Variants in COPS7B observed in about 807,000 individuals in gnomAD.
The protein encoded by COPS7B is COP9 signalosome complex subunit 7b.
Under a neutral mutation model 33.4 loss-of-function variants are expected in COPS7B, and 9 were observed. The observed-to-expected ratio is 0.27, with a 90% CI of 0.16 to 0.47. COPS7B has a LOEUF of 0.47. COPS7B is among the 20% of genes least tolerant of loss of function. COPS7B has a pLI of 0.99. For missense variants in COPS7B, 242 were observed against 318.2 expected, an observed-to-expected ratio of 0.76 and a Z score of 1.82; for synonymous variants, 119 against 126.3, an observed-to-expected ratio of 0.94 and a Z score of 0.39.
At chr2:231,801,578 A>C (rs899336469) in intron 6 of COPS7B, among the ~76,000 whole-genome samples, 8 of 150,846 alleles carry the variant, frequency 5.3e-5, no homozygotes, top group South Asian at 2.1e-4. Context: ...AGTTGCTAGG[A>C]CTATAGGACT....
intron 3 of COPS7B, 83 bp downstream of exon 3, chr2:231,791,891 C>A: frequency 1.6e-6 from 2 of 1,274,696 alleles, no homozygotes; most frequent in South Asian, 1.2e-5. Flanking sequence ...AGATATAAAG[C>A]ATGGGGTAGT....
chr2:231,781,696 C>G (rs2049134681), upstream of COPS7B: 2 of 731,056 alleles, frequency 2.7e-6, no homozygotes, highest in East Asian at 2.7e-5. Context: ...CACTCGGTTC[C>G]TCTGTAACTT....
chr2:231,802,710 C>T (rs2049783000), intron 6 of COPS7B, among the ~76,000 whole-genome samples: 1 of 152,248 alleles, frequency 6.6e-6, no homozygotes, highest in African/African-American at 2.4e-5. Context: ...GTTGACCTAC[C>T]TGGGTGGCCA....
chr2:231,798,098 GC>G (rs1164118814), intron 5 of COPS7B, among the ~76,000 whole-genome samples: 3 of 151,926 alleles, frequency 2.0e-5, no homozygotes, highest in Admixed American at 2.0e-4. Flanking sequence ...TGTTGGTCAG[GC>G]TGGTCTCGAA....
chr2:231,791,061 C>A lies in COPS7B; in HGVS notation c.163-672C>A, dbSNP rs149391150. Reference sequence around the variant, plus strand: ...CCCACGTTTGTGATTTAAACAACAACAACAACAACAACAACCAGTTAACGT... The same window carrying A: ...CCCACGTTTGTGATTTAAACAACAAAAACAACAACAACAACCAGTTAACGT... On this transcript the variant is annotated intron_variant, in intron 2 of 6. Coordinates refer to ENST00000350033, the MANE Select transcript of COPS7B (RefSeq NM_022730.4). 8.7e-3 allele frequency: 1,344 copies of A among 154,732 alleles called. 5 individuals carry two copies. Among genetic ancestry groups the A allele is most frequent in the Non-Finnish European group, 0.013 (904 of 68,362 alleles). The allele number at this position is 154,732 out of a possible 1,614,324, so 9.6% of individuals were successfully genotyped here.
At chr2:231,792,984 C>T (rs1187688253) in intron 3 of COPS7B, among the ~76,000 whole-genome samples, 1 of 152,120 alleles carries the variant, frequency 6.6e-6, no homozygotes, top group African/African-American at 2.4e-5. Flanking sequence ...CCCTTTGTTC[C>T]AGGGAATGTG....
In COPS7B at chr2:231,788,609, G is replaced by A. The variant is rs372327583; in HGVS notation, c.39G>A (p.Glu13=). The A allele has an allele frequency of 2.5e-6, 4 of 1,614,002 alleles. No homozygotes were observed. The highest frequency in any genetic ancestry group is 2.7e-5 in the African/African-American group (2 of 74,932). The change falls in exon 2 of 7, where the codon GAG becomes GAA. Residue 13 remains glutamate, a synonymous_variant. Coordinates refer to ENST00000350033, the MANE Select transcript of COPS7B (RefSeq NM_022730.4). ...AGAAACCCTCAAGTAATCTCCTGGA[G>A]CAGTTTATTTTACTAGCCAAAGGTA... ...GEQKPSSNLL[E]QFILLAKGTS... is the part of the protein sequence containing the mutation.
At chr2:231,805,445 T>TA (rs1284030909) in intron 6 of COPS7B, among the ~76,000 whole-genome samples, 39 of 95,338 alleles carry the variant, frequency 4.1e-4, no homozygotes, top group African/African-American at 1.5e-3. Context: ...TTTTTTAAAT[T>TA]TTATATATAT....
At chr2:231,787,752 A>G (rs987625294) in intron 1 of COPS7B, among the ~76,000 whole-genome samples, 6 of 152,218 alleles carry the variant, frequency 3.9e-5, no homozygotes, top group Non-Finnish European at 7.3e-5. Flanking sequence ...ACTTGATTAA[A>G]TGAGACATCT....
At chr2:231,789,979 T>C (rs2049364659) in intron 2 of COPS7B, 1 of 152,226 alleles carries the variant, frequency 6.6e-6, no homozygotes, top group South Asian at 2.1e-4. Flanking sequence ...TCAGCCTTGC[T>C]TGCCGAACTA....
chr2:231,805,074 C>G (rs2049852654), intron 6 of COPS7B, among the ~76,000 whole-genome samples: 1 of 152,208 alleles, frequency 6.6e-6, no homozygotes, highest in Non-Finnish European at 1.5e-5. Context: ...TAGTATGTGT[C>G]TGTAGTCCCA....
At chr2:231,785,742 G>C (rs2049224491), upstream of COPS7B, among the ~76,000 whole-genome samples, 1 of 152,166 alleles carries the variant, frequency 6.6e-6, no homozygotes, top group African/African-American at 2.4e-5. Context: ...GTGTATACAG[G>C]AATCAGTTTA....
chr2:231,788,023 A>G (rs2049300106), intron 1 of COPS7B, among the ~76,000 whole-genome samples: 1 of 152,156 alleles, frequency 6.6e-6, no homozygotes. Flanking sequence ...TGGAAGTGAA[A>G]TGACTTTTAC....
chr2:231,803,541 GA>G (rs1464048059), intron 6 of COPS7B, among the ~76,000 whole-genome samples: 1 of 152,206 alleles, frequency 6.6e-6, no homozygotes, highest in Admixed American at 6.5e-5. Context: ...TTCTACAGGA[GA>G]AAATGGCTTG....
In COPS7B at chr2:231,791,753, T is replaced by C; in HGVS notation, c.183T>C (p.Ala61=). 1.2e-6 allele frequency: 2 copies of C among 1,614,212 alleles called. No homozygotes were observed. Among genetic ancestry groups the C allele is most frequent in the South Asian group, 2.2e-5 (2 of 91,088 alleles). Residue 61 remains alanine (A), a synonymous_variant, in exon 3 of 7, where the codon GCT becomes GCC. Transcript: ENST00000350033. The stretch of plus-strand genomic sequence containing the variant: ...TTCAGCTTGCGGAAGGAGCTAATGC[T>C]GCTTATTTGCAGTTGTTGAACCTGT... ...NVQELAEGAN[A]AYLQLLNLFA...
intron 6 of COPS7B, among the ~76,000 whole-genome samples, chr2:231,804,329 G>A (rs1379653279): frequency 2.6e-5 from 4 of 151,286 alleles, no homozygotes; most frequent in Non-Finnish European, 5.9e-5. Flanking sequence ...CTCACTGCAA[G>A]CTCTGCCTCC....
intron 4 of COPS7B, among the ~76,000 whole-genome samples, chr2:231,795,844 C>G (rs2049551244): frequency 6.6e-6 from 1 of 152,162 alleles, no homozygotes; most frequent in Non-Finnish European, 1.5e-5. Context: ...TTTAGGATCT[C>G]TACAAGTATG....
Position 231,788,676 on chromosome 2 carries a change from G to C in COPS7B, c.106G>C (p.Glu36Gln). 1.9e-6 allele frequency: 3 copies of C among 1,614,226 alleles called. No individual in the cohort carries two copies. The highest frequency in any genetic ancestry group is 2.5e-6 in the Non-Finnish European group (3 of 1,180,036). The change falls in exon 2 of 7, where the codon GAG becomes CAG. Residue 36 changes from glutamate to glutamine, a missense_variant. Coordinates refer to ENST00000350033, the MANE Select transcript of COPS7B (RefSeq NM_022730.4). ...ALTALISQVL[E>Q]APGVYVFGEL... ...CACTGCTCTCATAAGCCAGGTCTTA[G>C]AGGCTCCCGGAGTGTATGTCTTTGG...
At position 231,796,201 on chromosome 2, in the gene COPS7B, C is replaced by T; in HGVS notation, c.423C>T (p.Ile141=). ...LIIEAVYTDI[I]QGKLDQRNQL... is the part of the protein sequence containing the mutation. ...TTGAGGCTGTCTACACTGACATCAT[C>T]CAGGGCAAGCTGGACCAGCGAAACC... is the stretch of plus-strand genomic sequence containing the variant. The change falls in exon 5 of 7, where the codon ATC becomes ATT. Residue 141 remains isoleucine, a synonymous_variant. Transcript: ENST00000350033. The T allele has an allele frequency of 6.2e-7, 1 of 1,614,196 alleles. No homozygotes were observed. The highest frequency in any genetic ancestry group is 8.5e-7 in the Non-Finnish European group (1 of 1,180,026).
Sources: allele counts gnomAD v4.1 joint callset (sites outside exome capture counted in the v4.1 genomes callset), GRCh38; gene constraint gnomAD v4.1.1; transcripts MANE v1.5; gene names NCBI Gene and HGNC (gene_info 2026-07-23, HGNC 2026-07-21).